Variants in FBXL2 observed in about 807,000 individuals in gnomAD.
FBXL2 encodes F-box and leucine rich repeat protein 2, also known as F-box/LRR-repeat protein 2.
FBXL2 carries 38 observed loss-of-function variants against 69.2 expected under a neutral mutation model. The ratio of observed to expected loss-of-function variants is 0.55; its 90% CI spans 0.42 to 0.72. FBXL2 has a LOEUF of 0.72. FBXL2 is among the 30% of genes least tolerant of loss of function. The pLI, the probability that FBXL2 is intolerant of heterozygous loss-of-function variation, is 0.00. For synonymous variants in FBXL2, 192 were observed against 201.3 expected (o/e 0.95, Z 0.39); for missense variants, 354 against 520.3 (o/e 0.68, Z 3.11).
chr3:33,282,929 A>G (rs565511693), intron 1 of FBXL2, among the ~76,000 whole-genome samples: 1 of 152,338 alleles, frequency 6.6e-6, no homozygotes, highest in South Asian at 2.1e-4. Context: ...GTGGCTTATC[A>G]GCTTAAGGAG....
At chr3:33,295,128 A>G (rs1043138332) in intron 1 of FBXL2, among the ~76,000 whole-genome samples, 3 of 152,120 alleles carry the variant, frequency 2.0e-5, no homozygotes, top group African/African-American at 7.2e-5. Flanking sequence ...TATACTATAA[A>G]TTTTGCTCAC....
intron 2 of FBXL2, chr3:33,298,009 G>A: frequency 2.5e-6 from 1 of 405,998 alleles, no homozygotes; most frequent in Non-Finnish European, 4.6e-6. Context: ...TTTGTTTTCA[G>A]TAGATAATCG....
chr3:33,394,817 G>GT (rs76142927), intron 12 of FBXL2, among the ~76,000 whole-genome samples: 13,556 of 110,396 alleles, frequency 0.12, 2,135 homozygotes, highest in African/African-American at 0.36. Flanking sequence ...CCCTCCACTT[G>GT]TTTTTTTTTT....
In FBXL2 at chr3:33,385,580, G is replaced by A. The variant is rs138740771; in HGVS notation, c.1244G>A (p.Arg415Gln). 26 of 1,613,826 alleles carry A rather than the reference G, an allele frequency of 1.6e-5. No individual in the cohort carries two copies. In the East Asian group the frequency reaches 1.8e-4, roughly 11 times the overall value. The change falls in exon 15 of 15, where the codon CGA becomes CAA. Residue 415 changes from arginine (R) to glutamine (Q), a missense_variant. Physicochemically the swap from Arg to Gln is conservative, Grantham distance 43. Transcript: ENST00000484457. ...PPTAVAGSGQ[R>Q]LCRCCVIL ...ACAGCAGTGGCAGGAAGTGGACAGC[G>A]ACTGTGCAGGTGCTGTGTCATTCTC...
chr3:33,373,645 G>T lies in FBXL2; in HGVS notation c.523G>T (p.Glu175Ter). 1 of 1,614,162 alleles carries T rather than the reference G, an allele frequency of 6.2e-7. No individual in the cohort carries two copies. Among genetic ancestry groups the T allele is most frequent in the Non-Finnish European group, 8.5e-7 (1 of 1,180,046 alleles). ...WCDQITKDGI[E>*]ALVRGCRGLK... ...TGATCAGATCACGAAGGATGGCATC[G>T]AGGCACTGGTGCGAGGTTGTCGAGG... is the stretch of plus-strand genomic sequence containing the variant. The change falls in exon 8 of 15, where the codon GAG (glutamate) becomes TAG (stop). Residue 175 changes from glutamate to a stop codon, truncating the protein, a stop_gained. Coordinates refer to ENST00000484457, the MANE Select transcript of FBXL2 (RefSeq NM_012157.5). LOFTEE classifies it high-confidence loss of function.
At chr3:33,385,083 G>A (rs547317240) in intron 14 of FBXL2, among the ~76,000 whole-genome samples, 74 of 152,226 alleles carry the variant, frequency 4.9e-4, no homozygotes, top group African/African-American at 1.8e-3. Flanking sequence ...CATTATGAGT[G>A]GGAGGTAGAA....
chr3:33,298,732 T>G (rs2035979872), intron 2 of FBXL2, among the ~76,000 whole-genome samples: 1 of 151,572 alleles, frequency 6.6e-6, no homozygotes, highest in Admixed American at 6.6e-5. Flanking sequence ...TATTTTTGTT[T>G]TAGATGTTGT....
At chr3:33,365,953 A>G (rs1038860659) in intron 5 of FBXL2, among the ~76,000 whole-genome samples, 3 of 152,236 alleles carry the variant, frequency 2.0e-5, no homozygotes, top group Admixed American at 2.0e-4. Context: ...TCCAGTAAGA[A>G]TGTGCAACAT....
chr3:33,372,158 G>A (rs1354174868), intron 5 of FBXL2, among the ~76,000 whole-genome samples: 1 of 152,056 alleles, frequency 6.6e-6, no homozygotes, highest in African/African-American at 2.4e-5. Flanking sequence ...TCAAACTCTT[G>A]GGCTCAAGGG....
intron 2 of FBXL2, among the ~76,000 whole-genome samples, chr3:33,312,680 C>T (rs972604226): frequency 8.5e-5 from 13 of 152,054 alleles, no homozygotes; most frequent in African/African-American, 1.9e-4. Context: ...CTCTCTTTAA[C>T]GCTTATTTAA....
intron 4 of FBXL2, among the ~76,000 whole-genome samples, chr3:33,361,006 A>G (rs1454795872): frequency 7.7e-6 from 1 of 129,832 alleles, no homozygotes; most frequent in East Asian, 2.3e-4. Flanking sequence ...GTCTCGGCTC[A>G]CTGCAAACTC....
chr3:33,384,273 C>T, intron 14 of FBXL2, 72 bp downstream of exon 14: 1 of 1,489,340 alleles, frequency 6.7e-7, no homozygotes, highest in African/African-American at 1.4e-5. Context: ...AAGAATCAGA[C>T]CGGGGCTAGG....
At chr3:33,384,663 T>C (rs1022993559) in intron 14 of FBXL2, among the ~76,000 whole-genome samples, 1 of 152,206 alleles carries the variant, frequency 6.6e-6, no homozygotes. Context: ...ATGTTCTTGC[T>C]TAGACTCCAC....
At chr3:33,358,016 CCT>C (rs1269747785) in intron 2 of FBXL2, among the ~76,000 whole-genome samples, 16 of 152,116 alleles carry the variant, frequency 1.1e-4, no homozygotes, top group Admixed American at 6.5e-5. Context: ...ACTCTTCTTC[CCT>C]GAGTCCGTGG....
At chr3:33,402,668 A>G (rs2044272685) in intron 12 of FBXL2, 1 of 579,706 alleles carries the variant, frequency 1.7e-6, no homozygotes, top group South Asian at 3.9e-5. Context: ...TGCCACCAAG[A>G]TACAGGATAC....
chr3:33,364,048 A>G (rs780725344), intron 4 of FBXL2, among the ~76,000 whole-genome samples: 1 of 152,194 alleles, frequency 6.6e-6, no homozygotes, highest in Non-Finnish European at 1.5e-5. Flanking sequence ...ATCATTGTTC[A>G]TTGTTCATTT....
chr3:33,319,445 T>C (rs2038007658), intron 2 of FBXL2, among the ~76,000 whole-genome samples: 1 of 152,214 alleles, frequency 6.6e-6, no homozygotes, highest in Admixed American at 6.5e-5. Context: ...TTATGGAAAT[T>C]ATTCCTGAAG....
intron 2 of FBXL2, among the ~76,000 whole-genome samples, chr3:33,322,539 GA>G (rs1013650510): frequency 1.6e-4 from 24 of 151,040 alleles, no homozygotes; most frequent in African/African-American, 5.8e-4. Flanking sequence ...AATGCTGAGT[GA>G]AAAAAAAAGT....
chr3:33,378,487 G>C (rs1383532304), intron 12 of FBXL2, among the ~76,000 whole-genome samples, 198 bp from the exon 13 acceptor site: 1 of 152,198 alleles, frequency 6.6e-6, no homozygotes, highest in Admixed American at 6.5e-5. Context: ...TACCAGAAGA[G>C]AGACAAAGAA....
Sources: gnomAD v4.1 joint callset for allele counts (sites outside exome capture counted in the v4.1 genomes callset) on GRCh38, gnomAD v4.1.1 for gene constraint, MANE v1.5 for transcripts, NCBI Gene and HGNC (gene_info 2026-07-23, HGNC 2026-07-21) for gene names.